The following SRRM4 variants were observed in gnomAD, a reference collection of about 807,000 sequenced individuals.
SRRM4 encodes serine/arginine repetitive matrix 4.
SRRM4 carries 33 observed loss-of-function variants against 68.9 expected under a neutral mutation model. The ratio of observed to expected loss-of-function variants is 0.48; its 90% CI spans 0.36 to 0.64. SRRM4 has a LOEUF of 0.64. Among genes scored for constraint, SRRM4 ranks in the 30% least tolerant of loss-of-function variants. The probability of loss-of-function intolerance (pLI) is 0.00; values close to 1 mark genes in which losing one functional copy is unlikely to be tolerated. For missense variants in SRRM4, 817 were observed against 827.1 expected (o/e 0.99, Z 0.15); for synonymous variants, 318 against 318.8 (o/e 1.00, Z 0.03).
chr12:119,108,836 T>A (rs1464910906), intron 2 of SRRM4, among the ~76,000 whole-genome samples: 1 of 152,208 alleles, frequency 6.6e-6, no homozygotes, highest in Non-Finnish European at 1.5e-5. Context: ...AGGTTAATAT[T>A]GTTATGTGTG....
At chr12:119,033,349 C>A (rs1335265508) in intron 1 of SRRM4, among the ~76,000 whole-genome samples, 8 of 152,170 alleles carry the variant, frequency 5.3e-5, no homozygotes, top group Admixed American at 5.2e-4. Context: ...CACCCCTACA[C>A]ACCTCAGAGT....
intron 1 of SRRM4, among the ~76,000 whole-genome samples, chr12:119,043,320 C>T (rs897972207): frequency 2.0e-5 from 3 of 152,004 alleles, no homozygotes; most frequent in African/African-American, 7.3e-5. Flanking sequence ...GTTCTCACTT[C>T]TAAGTGGGAG....
At chr12:119,071,086 C>T (rs1953875280) in intron 1 of SRRM4, among the ~76,000 whole-genome samples, 2 of 152,172 alleles carry the variant, frequency 1.3e-5, no homozygotes, top group African/African-American at 4.8e-5. Flanking sequence ...GTGATATGAT[C>T]AATCACTTAC....
At chr12:119,101,653 G>A (rs1954078304) in intron 1 of SRRM4, among the ~76,000 whole-genome samples, 1 of 152,006 alleles carries the variant, frequency 6.6e-6, no homozygotes, top group Non-Finnish European at 1.5e-5. Flanking sequence ...TGTTGTGACT[G>A]GACCCAGATA....
intron 1 of SRRM4, among the ~76,000 whole-genome samples, chr12:119,004,627 C>A (rs899286106): frequency 6.6e-6 from 1 of 151,940 alleles, no homozygotes; most frequent in African/African-American, 2.4e-5. Flanking sequence ...GCTCCAACCC[C>A]CTTCTTTTAC....
chr12:119,087,253 A>G, intron 1 of SRRM4, among the ~76,000 whole-genome samples: 1 of 152,252 alleles, frequency 6.6e-6, no homozygotes, highest in East Asian at 1.9e-4. Flanking sequence ...TACCCAGCAC[A>G]TAGCTGGTGC....
At chr12:118,989,756 C>T (rs531245877) in intron 1 of SRRM4, 7 of 152,344 alleles carry the variant, frequency 4.6e-5, no homozygotes, top group East Asian at 1.9e-4. Context: ...ATCCTCTGGA[C>T]GCAAATCTTT....
intron 1 of SRRM4, among the ~76,000 whole-genome samples, chr12:119,059,421 G>A (rs1023045176): frequency 6.6e-6 from 1 of 152,138 alleles, no homozygotes; most frequent in Admixed American, 6.6e-5. Flanking sequence ...GACTTGGGGA[G>A]CCAGAGGAAG....
At chr12:119,150,523 G>A (rs1195384960) in intron 9 of SRRM4, among the ~76,000 whole-genome samples, 1 of 152,096 alleles carries the variant, frequency 6.6e-6, no homozygotes, top group African/African-American at 2.4e-5. Context: ...TTAAAACAAT[G>A]GATTTAATCC....
At chr12:119,052,404 GAAAGAGATGTATA>G (rs148929033) in intron 1 of SRRM4, among the ~76,000 whole-genome samples, 543 of 152,292 alleles carry the variant, frequency 3.6e-3, no homozygotes, top group African/African-American at 0.013. Context: ...ACTCACCTGG[GAAAGAGATGTATA>G]AAATGTAAAC....
In SRRM4 at chr12:119,102,400, C is replaced by CG; in HGVS notation, c.278+19dup. ...GGACACAGGTGAGATCCAATGAGGA[C>CG]GTTCAAGTTGAAGATACAGAAATAA... is the stretch of plus-strand genomic sequence containing the variant. On this transcript the variant is annotated intron_variant, in intron 2 of 12. Transcript: ENST00000267260. 3 of 1,589,592 alleles carry CG rather than the reference C, an allele frequency of 1.9e-6. No homozygotes were observed. The highest frequency in any genetic ancestry group is 2.6e-6 in the Non-Finnish European group (3 of 1,165,584).
At chr12:119,021,543 C>G (rs1953515779) in intron 1 of SRRM4, among the ~76,000 whole-genome samples, 1 of 152,214 alleles carries the variant, frequency 6.6e-6, no homozygotes, top group Non-Finnish European at 1.5e-5. Context: ...TGTGCACCAA[C>G]TACCCCCAGT....
At position 119,136,224 on chromosome 12, in the gene SRRM4, G is replaced by A. The variant is rs141877967; in HGVS notation, c.771+5390G>A. On this transcript the variant is annotated intron_variant, in intron 8 of 12. Transcript: ENST00000267260. ...TTCACAACAACCCCAGGAGAAAGGC[G>A]AGATGGGAATATGCTTCCCCCTTTG... Among the ~76,000 whole-genome samples the A allele has an allele frequency of 6.0e-3, 918 of 152,292 alleles. 5 individuals carry two copies. The highest frequency in any genetic ancestry group is 0.031 in the Middle Eastern group (9 of 294).
Position 119,160,883 on chromosome 12 carries a change from C to T in SRRM4, c.*4085C>T, listed in dbSNP as rs1954508991. On this transcript the variant is annotated 3_prime_UTR_variant, in exon 13 of 13. Transcript: ENST00000267260. ...TAGGCAAGGCTAAGTAACTCAAAGC[C>T]CCCTATTAGTAACATTCTGGTTCAC... The T allele has an allele frequency of 6.6e-6, 1 of 152,174 alleles. No homozygotes were observed. The highest frequency in any genetic ancestry group is 2.4e-5 in the African/African-American group (1 of 41,434). The allele number at this position is 152,174 out of a possible 1,614,324, so 9.4% of individuals were successfully genotyped here.
At chr12:119,072,197 G>T (rs1953881687) in intron 1 of SRRM4, among the ~76,000 whole-genome samples, 1 of 152,188 alleles carries the variant, frequency 6.6e-6, no homozygotes, top group Non-Finnish European at 1.5e-5. Context: ...ATTGGGTATT[G>T]CTGTTCTGTC....
intron 1 of SRRM4, among the ~76,000 whole-genome samples, chr12:119,083,821 G>C (rs1197854585): frequency 6.6e-6 from 1 of 152,174 alleles, no homozygotes; most frequent in African/African-American, 2.4e-5. Flanking sequence ...ATTTGTGCTA[G>C]AGGAGATAAC....
At chr12:119,119,454 G>A (rs1259485873) in intron 4 of SRRM4, among the ~76,000 whole-genome samples, 1 of 151,358 alleles carries the variant, frequency 6.6e-6, no homozygotes, top group Admixed American at 6.6e-5. Flanking sequence ...GAGCTTGGGG[G>A]AGTAGACAGG....
intron 1 of SRRM4, among the ~76,000 whole-genome samples, chr12:119,019,471 C>T (rs189316439): frequency 1.9e-4 from 29 of 152,210 alleles, no homozygotes; most frequent in Non-Finnish European, 3.8e-4. Context: ...AGCATTTCCC[C>T]TCCACCCACT....
chr12:119,037,530 G>A (rs938636669), intron 1 of SRRM4, among the ~76,000 whole-genome samples: 1 of 152,180 alleles, frequency 6.6e-6, no homozygotes, highest in African/African-American at 2.4e-5. Context: ...ATAGATCTGC[G>A]TGAATCAAGA....
Sources: allele counts gnomAD v4.1 joint callset (sites outside exome capture counted in the v4.1 genomes callset), GRCh38; gene constraint gnomAD v4.1.1; transcripts MANE v1.5; gene names NCBI Gene and HGNC (gene_info 2026-07-23, HGNC 2026-07-21).